Variants in SLC35F1 observed in about 807,000 individuals in gnomAD.
SLC35F1 encodes the protein chromosome 6 open reading frame 169.
SLC35F1 carries 14 observed loss-of-function variants against 48.7 expected under a neutral mutation model. The ratio of observed to expected loss-of-function variants is 0.29; its 90% CI spans 0.19 to 0.45. The LOEUF (loss-of-function observed/expected upper bound fraction) is 0.45, where lower values mean the gene tolerates loss of function less well. Ranked by LOEUF, SLC35F1 falls within the 20% of genes least tolerant of loss-of-function variation. The pLI is 1.00. For synonymous variants in SLC35F1, 190 were observed against 202.2 expected, an observed-to-expected ratio of 0.94 and a Z score of 0.51; for missense variants, 404 against 500.0, an observed-to-expected ratio of 0.81 and a Z score of 1.83.
chr6:118,231,759 C>G (rs779468314), intron 2 of SLC35F1, among the ~76,000 whole-genome samples: 1 of 152,156 alleles, frequency 6.6e-6, no homozygotes, highest in Non-Finnish European at 1.5e-5. Context: ...CAAACAGCAC[C>G]ATAGCCCATT....
chr6:118,223,823 G>T (rs1198455880), intron 2 of SLC35F1, among the ~76,000 whole-genome samples: 2 of 152,224 alleles, frequency 1.3e-5, no homozygotes, highest in East Asian at 3.8e-4. Context: ...CCTCAAGAGT[G>T]CAGGCTGGCA....
At chr6:118,084,865 G>A (rs1772963684) in intron 1 of SLC35F1, among the ~76,000 whole-genome samples, 1 of 152,102 alleles carries the variant, frequency 6.6e-6, no homozygotes, top group African/African-American at 2.4e-5. Context: ...CCTGTCTGGT[G>A]GGGGCTTTCA....
chr6:118,199,451 C>T (rs576347615), intron 2 of SLC35F1, among the ~76,000 whole-genome samples: 19 of 152,208 alleles, frequency 1.2e-4, no homozygotes, highest in Non-Finnish European at 1.8e-4. Flanking sequence ...GTTATATGAA[C>T]GTGTCATGAT....
At chr6:118,251,091 A>T (rs1775568937) in intron 3 of SLC35F1, among the ~76,000 whole-genome samples, 1 of 152,106 alleles carries the variant, frequency 6.6e-6, no homozygotes, top group South Asian at 2.1e-4. Flanking sequence ...AGTTCAAGAC[A>T]ACTCTGGGCA....
At chr6:118,306,153 A>G (rs998852954) in intron 7 of SLC35F1, among the ~76,000 whole-genome samples, 10 of 152,166 alleles carry the variant, frequency 6.6e-5, no homozygotes, top group Non-Finnish European at 1.3e-4. Flanking sequence ...TTGTTTCAGA[A>G]GCATGAGGAG....
chr6:118,289,954 T>C (rs903972460), intron 7 of SLC35F1, among the ~76,000 whole-genome samples: 4 of 152,200 alleles, frequency 2.6e-5, no homozygotes, highest in Admixed American at 1.3e-4. Flanking sequence ...ACCATGGCGA[T>C]GTTGATATTT....
chr6:118,025,811 G>A (rs1256890870), intron 1 of SLC35F1, among the ~76,000 whole-genome samples: 4 of 152,048 alleles, frequency 2.6e-5, no homozygotes, highest in Non-Finnish European at 2.9e-5. Flanking sequence ...AAACACATAT[G>A]AATCACTTCT....
intron 3 of SLC35F1, among the ~76,000 whole-genome samples, chr6:118,248,972 A>G (rs1281985422): frequency 6.6e-6 from 1 of 152,106 alleles, no homozygotes; most frequent in Non-Finnish European, 1.5e-5. Context: ...GACCCCATTG[A>G]TCTCCCCTGC....
At chr6:118,041,813 G>A (rs751456171) in intron 1 of SLC35F1, among the ~76,000 whole-genome samples, 10 of 152,180 alleles carry the variant, frequency 6.6e-5, no homozygotes, top group African/African-American at 1.2e-4. Context: ...AGTGGGTAGA[G>A]TGGAGTCAGG....
At chr6:118,252,102 A>C (rs911600435) in intron 3 of SLC35F1, among the ~76,000 whole-genome samples, 24 of 152,194 alleles carry the variant, frequency 1.6e-4, no homozygotes, top group African/African-American at 5.8e-4. Context: ...AAAGTCAAGG[A>C]AAGGAGTTTG....
chr6:118,059,101 C>T (rs76724070), intron 1 of SLC35F1, among the ~76,000 whole-genome samples: 2,760 of 152,282 alleles, frequency 0.018, 33 homozygotes, highest in Middle Eastern at 0.071. Flanking sequence ...GCATTCCACA[C>T]ATTTGAGTTA....
rs933365089 is a variant in SLC35F1, at chr6:118,144,601, A to T, written c.174-9844A>T. Among the ~76,000 whole-genome samples, 3 of 137,204 alleles carry T rather than the reference A, an allele frequency of 2.2e-5. No homozygotes were observed. In the South Asian group the frequency reaches 8.1e-4, roughly 37 times the overall value. The allele number at this position is 137,204 out of a possible 152,430, so 90.0% of individuals were successfully genotyped here. A position where few individuals can be genotyped will look rare whatever the true frequency, so the allele number is the denominator to read the frequency against. ...ATCCCAGAACTTAAAAAAAAAAAAA[A>T]TTGAAAATGTTAAAAAAAAAAAAAA... On this transcript the variant is annotated intron_variant, in intron 1 of 7. Coordinates refer to ENST00000360388, the MANE Select transcript of SLC35F1 (RefSeq NM_001029858.4).
chr6:118,223,893 C>G (rs571040886), intron 2 of SLC35F1, among the ~76,000 whole-genome samples: 1 of 152,352 alleles, frequency 6.6e-6, no homozygotes, highest in Non-Finnish European at 1.5e-5. Context: ...GGAGGCAAGT[C>G]TGCCTTGGCC....
chr6:118,277,147 T>A (rs1367700392), intron 5 of SLC35F1, among the ~76,000 whole-genome samples: 2 of 152,150 alleles, frequency 1.3e-5, no homozygotes, highest in African/African-American at 4.8e-5. Flanking sequence ...AGAAAATTGA[T>A]TACACCTGCA....
chr6:118,123,428 GTT>G (rs5879449), intron 1 of SLC35F1, among the ~76,000 whole-genome samples: 82,099 of 151,050 alleles, frequency 0.54, 23,375 homozygotes, highest in Non-Finnish European at 0.65. Context: ...CCAAATGATA[GTT>G]TTTTTTTTTT....
intron 7 of SLC35F1, among the ~76,000 whole-genome samples, chr6:118,290,950 A>G (rs1776113831): frequency 6.6e-6 from 1 of 151,990 alleles, no homozygotes; most frequent in Admixed American, 6.6e-5. Flanking sequence ...ACTCGCCACC[A>G]TGCCCGGCTA....
intron 1 of SLC35F1, among the ~76,000 whole-genome samples, chr6:118,083,333 A>G (rs1331780546): frequency 6.6e-6 from 1 of 152,228 alleles, no homozygotes; most frequent in Non-Finnish European, 1.5e-5. Context: ...AAGTGGGCTG[A>G]CCTAAGTGGT....
chr6:117,970,956 A>T (rs1487241181), intron 1 of SLC35F1, among the ~76,000 whole-genome samples: 1 of 152,174 alleles, frequency 6.6e-6, no homozygotes, highest in Non-Finnish European at 1.5e-5. Context: ...ATGTCCTCAC[A>T]TTTCAGAACA....
At chr6:117,992,343 AT>A (rs1287350647) in intron 1 of SLC35F1, among the ~76,000 whole-genome samples, 2 of 152,168 alleles carry the variant, frequency 1.3e-5, no homozygotes, top group Non-Finnish European at 2.9e-5. Context: ...AATCGTTATG[AT>A]TCTGTATTCT....
Sources: gnomAD v4.1 joint callset for allele counts (sites outside exome capture counted in the v4.1 genomes callset) on GRCh38, gnomAD v4.1.1 for gene constraint, MANE v1.5 for transcripts, NCBI Gene and HGNC (gene_info 2026-07-23, HGNC 2026-07-21) for gene names.